Variants in KCND2 observed in about 807,000 individuals in gnomAD.
The protein encoded by KCND2 is potassium voltage-gated channel subfamily D member 2.
Under a neutral mutation model 54.4 loss-of-function variants are expected in KCND2, and 16 were observed. The observed-to-expected ratio is 0.29, with a 90% CI of 0.20 to 0.45. The LOEUF (loss-of-function observed/expected upper bound fraction) is 0.45. KCND2 is among the 20% of genes least tolerant of loss of function. KCND2 has a pLI of 1.00. For missense variants in KCND2, 486 were observed against 824.2 expected, an observed-to-expected ratio of 0.59 and a Z score of 5.02; for synonymous variants, 317 against 310.7, an observed-to-expected ratio of 1.02 and a Z score of -0.21.
chr7:120,306,093 C>T (rs1311704867), intron 1 of KCND2, among the ~76,000 whole-genome samples: 3 of 152,072 alleles, frequency 2.0e-5, no homozygotes, highest in Non-Finnish European at 2.9e-5. Flanking sequence ...TGACTGTTTC[C>T]TGCATTCAAG....
At chr7:120,496,687 G>A (rs1469727954) in intron 1 of KCND2, among the ~76,000 whole-genome samples, 2 of 152,260 alleles carry the variant, frequency 1.3e-5, no homozygotes, top group African/African-American at 2.4e-5. Context: ...GCCTCCCAAA[G>A]TGCTGGGATT....
chr7:120,460,982 G>C (rs1802276030), intron 1 of KCND2, among the ~76,000 whole-genome samples: 1 of 152,130 alleles, frequency 6.6e-6, no homozygotes, highest in African/African-American at 2.4e-5. Context: ...AAGGAAAAAT[G>C]TGCCCCTTGT....
intron 1 of KCND2, among the ~76,000 whole-genome samples, chr7:120,721,652 T>A (rs564275569): frequency 1.3e-5 from 2 of 152,328 alleles, no homozygotes; most frequent in South Asian, 4.1e-4. Flanking sequence ...TTTAAACAGC[T>A]GTGACTATTT....
chr7:120,568,303 G>A (rs1584831956), intron 1 of KCND2, among the ~76,000 whole-genome samples: 2 of 151,950 alleles, frequency 1.3e-5, no homozygotes, highest in East Asian at 3.9e-4. Flanking sequence ...TTGGACCCTG[G>A]AACTGCTGAT....
chr7:120,618,016 G>C (rs1364958357), intron 1 of KCND2, among the ~76,000 whole-genome samples: 1 of 149,852 alleles, frequency 6.7e-6, no homozygotes, highest in Non-Finnish European at 1.5e-5. Context: ...CTCAAACAGT[G>C]AGAGTAGGAA....
rs138214937 is a variant in KCND2 at position 120,457,675 on chromosome 7, G to A, written c.1115+181928G>A. Among the ~76,000 whole-genome samples the A allele has an allele frequency of 2.1e-3, 322 of 152,116 alleles. 3 individuals carry two copies. The highest frequency in any genetic ancestry group is 2.4e-3 in the Non-Finnish European group (164 of 67,990). On this transcript the variant is annotated intron_variant, in intron 1 of 5. Transcript: ENST00000331113. Reference sequence around the variant, plus strand: ...TTTCCTACATCTTCCTGTCTTCTGCGCCCTCTAAGTCTCTAGGAAGTTCCA... The same window carrying A: ...TTTCCTACATCTTCCTGTCTTCTGCACCCTCTAAGTCTCTAGGAAGTTCCA...
At chr7:120,503,392 G>C (rs891920069) in intron 1 of KCND2, among the ~76,000 whole-genome samples, 3 of 150,780 alleles carry the variant, frequency 2.0e-5, no homozygotes, top group African/African-American at 7.3e-5. Context: ...GAGTGAGAGA[G>C]AGAGAGAGAG....
At chr7:120,414,740 AT>A (rs764024821) in intron 1 of KCND2, among the ~76,000 whole-genome samples, 3 of 152,112 alleles carry the variant, frequency 2.0e-5, no homozygotes, top group Non-Finnish European at 4.4e-5. Flanking sequence ...CCTTGATTCC[AT>A]TGTCATCGGC....
intron 1 of KCND2, among the ~76,000 whole-genome samples, chr7:120,435,987 G>A (rs1801860899): frequency 6.6e-6 from 1 of 152,178 alleles, no homozygotes; most frequent in Admixed American, 6.5e-5. Flanking sequence ...ATTGGTCTAA[G>A]AGTAGAGTAT....
intron 1 of KCND2, among the ~76,000 whole-genome samples, chr7:120,606,087 C>A (rs1205617942): frequency 6.6e-6 from 1 of 152,136 alleles, no homozygotes; most frequent in Non-Finnish European, 1.5e-5. Flanking sequence ...TGTGCCTTTG[C>A]TCCTCCTTTG....
chr7:120,560,174 A>T (rs147368583), intron 1 of KCND2, among the ~76,000 whole-genome samples: 1 of 152,224 alleles, frequency 6.6e-6, no homozygotes, highest in Non-Finnish European at 1.5e-5. Context: ...GTAATTCAAC[A>T]TTGATATAAA....
intron 2 of KCND2, among the ~76,000 whole-genome samples, chr7:120,736,177 G>T (rs1792868095): frequency 6.6e-6 from 1 of 151,998 alleles, no homozygotes; most frequent in Non-Finnish European, 1.5e-5. Flanking sequence ...GCATGAAATA[G>T]ACACAATATT....
chr7:120,663,705 T>C (rs1402055525), intron 1 of KCND2, among the ~76,000 whole-genome samples: 1 of 152,212 alleles, frequency 6.6e-6, no homozygotes. Flanking sequence ...TACTTTTCTG[T>C]AATACGACAT....
chr7:120,527,006 G>T (rs1015530073), intron 1 of KCND2, among the ~76,000 whole-genome samples: 5 of 151,976 alleles, frequency 3.3e-5, no homozygotes, highest in African/African-American at 1.2e-4. Flanking sequence ...ATAACCAATA[G>T]AGCTCATGAT....
At chr7:120,499,594 T>G (rs1802902400) in intron 1 of KCND2, among the ~76,000 whole-genome samples, 1 of 152,160 alleles carries the variant, frequency 6.6e-6, no homozygotes, top group African/African-American at 2.4e-5. Flanking sequence ...ACTCATATTT[T>G]CTTTATCTAG....
In KCND2 at chr7:120,749,297, CTCCAATAAAT is replaced by C. The variant is rs899381435; in HGVS notation, c.*1440_*1449del. The C allele has an allele frequency of 1.3e-5, 2 of 152,054 alleles. No homozygotes were observed. The highest frequency in any genetic ancestry group is 6.6e-5 in the Admixed American group (1 of 15,232). 9.4% of individuals were successfully genotyped at this position (152,054 alleles called of 1,614,324 possible). ...CCTGTGTATTGCAAGGTACAATTTT[CTCCAATAAAT>C]CAGGAGAACAGGAGTTTGATGATGC... On this transcript the variant is annotated 3_prime_UTR_variant, in exon 6 of 6. Coordinates refer to ENST00000331113, the MANE Select transcript of KCND2 (RefSeq NM_012281.3).
intron 1 of KCND2, among the ~76,000 whole-genome samples, chr7:120,295,264 A>G (rs542149977): frequency 6.6e-6 from 1 of 151,702 alleles, no homozygotes; most frequent in East Asian, 1.9e-4. Flanking sequence ...GAGTGCCTAC[A>G]CTGGGCCATG....
chr7:120,536,147 T>G (rs2116372301), intron 1 of KCND2, among the ~76,000 whole-genome samples: 1 of 152,324 alleles, frequency 6.6e-6, no homozygotes, highest in African/African-American at 2.4e-5. Flanking sequence ...ATTGTTTGGT[T>G]TCCCAGTGCA....
chr7:120,382,318 G>A (rs1327911500), intron 1 of KCND2, among the ~76,000 whole-genome samples: 1 of 151,822 alleles, frequency 6.6e-6, no homozygotes, highest in African/African-American at 2.4e-5. Context: ...ATTTTATAGG[G>A]CATAGATGTC....
Sources: allele counts gnomAD v4.1 joint callset (sites outside exome capture counted in the v4.1 genomes callset), GRCh38; gene constraint gnomAD v4.1.1; transcripts MANE v1.5; gene names NCBI Gene and HGNC (gene_info 2026-07-23, HGNC 2026-07-21).